Variants in ARHGEF10 observed in about 807,000 individuals in gnomAD.
The protein encoded by ARHGEF10 is Rho guanine nucleotide exchange factor (GEF) 10.
ARHGEF10 carries 140 observed loss-of-function variants against 147.4 expected under a neutral mutation model. That is an observed-to-expected ratio of 0.95 (90% CI 0.83 to 1.09). The LOEUF is 1.09. Ranked by LOEUF, ARHGEF10 falls within the 50% of genes least tolerant of loss-of-function variation. ARHGEF10 has a pLI of 0.00. For missense variants in ARHGEF10, 2,222 were observed against 1,752.7 expected, an observed-to-expected ratio of 1.27 and a Z score of -4.78; for synonymous variants, 902 against 695.8, an observed-to-expected ratio of 1.30 and a Z score of -4.67.
intron 2 of ARHGEF10, among the ~76,000 whole-genome samples, chr8:1,843,791 G>A (rs1042181810): frequency 6.6e-6 from 1 of 152,212 alleles, no homozygotes; most frequent in Non-Finnish European, 1.5e-5. Flanking sequence ...CCTCGCTCAG[G>A]CTTAAAGCTC....
At chr8:1,899,779 C>T (rs536390973) in intron 15 of ARHGEF10, among the ~76,000 whole-genome samples, 6 of 152,202 alleles carry the variant, frequency 3.9e-5, no homozygotes, top group African/African-American at 7.2e-5. Context: ...CTAATACGTG[C>T]GAGACGCTGT....
intron 1 of ARHGEF10, among the ~76,000 whole-genome samples, chr8:1,842,906 C>A (rs189014686): frequency 6.6e-6 from 1 of 152,206 alleles, no homozygotes; most frequent in Non-Finnish European, 1.5e-5. Flanking sequence ...CTAAGCACCA[C>A]GCCTAATCCC....
At chr8:1,932,104 G>A (rs561962862) in intron 25 of ARHGEF10, among the ~76,000 whole-genome samples, 52 of 152,290 alleles carry the variant, frequency 3.4e-4, no homozygotes, top group African/African-American at 8.9e-4. Context: ...ACAACCCTGC[G>A]TTCTTGTGCC....
At chr8:1,863,763 G>A (rs1806347971) in intron 4 of ARHGEF10, among the ~76,000 whole-genome samples, 1 of 152,112 alleles carries the variant, frequency 6.6e-6, no homozygotes, top group Admixed American at 6.6e-5. Flanking sequence ...CTGCACTGCG[G>A]CTTTGCTCAC....
chr8:1,888,818 G>C (rs1254919148), intron 11 of ARHGEF10, among the ~76,000 whole-genome samples: 4 of 109,674 alleles, frequency 3.6e-5, no homozygotes, highest in Non-Finnish European at 6.8e-5. Context: ...AGTGGGGTGA[G>C]AGTTATGAGG....
intron 13 of ARHGEF10, among the ~76,000 whole-genome samples, chr8:1,894,877 C>G (rs1362079618): frequency 6.6e-6 from 1 of 152,172 alleles, no homozygotes; most frequent in Non-Finnish European, 1.5e-5. Context: ...TTTGCTGAAG[C>G]TTTTTGTTGT....
chr8:1,923,791 T>C lies in ARHGEF10; in HGVS notation c.2405T>C (p.Phe802Ser), dbSNP rs751622277. ...TCTGGCAGATCTGGGCGACCGACGT[T>C]CTTTACAGCTGTGTTCAATACGTTC... ...GKQDKSGRPT[F>S]FTAVFNTFTP... is the part of the protein sequence containing the mutation. The change falls in exon 21 of 29, where the codon TTC becomes TCC. Residue 802 changes from phenylalanine to serine, a missense_variant. Phe to Ser is a radical substitution (Grantham distance 155). Transcript: ENST00000349830. The C allele has an allele frequency of 9.9e-6, 16 of 1,614,180 alleles. No homozygotes were observed. The South Asian group carries it at 1.8e-4, about 18-fold the overall frequency.
Position 1,839,567 on chromosome 8 carries a change from GTGTCTGGTGTGGAAGC to G in ARHGEF10, c.-47-3773_-47-3758del, listed in dbSNP as rs1423052470. Among the ~76,000 whole-genome samples, 165 of 96,606 alleles carry G rather than the reference GTGTCTGGTGTGGAAGC, an allele frequency of 1.7e-3. 1 individual carries two copies. The highest frequency in any genetic ancestry group is 0.024 in the Middle Eastern group (2 of 82). 63.4% of individuals were successfully genotyped at this position (96,606 alleles called of 152,430 possible). A position where few individuals can be genotyped will look rare whatever the true frequency, so the allele number is the denominator to read the frequency against. On this transcript the variant is annotated intron_variant, in intron 1 of 28. Coordinates refer to ENST00000349830, the MANE Select transcript of ARHGEF10 (RefSeq NM_014629.4). ...GTGTGGAAGCTGTCTGGTGTGGGGA[GTGTCTGGTGTGGAAGC>G]TGTCTGGTGTGGGACTGTCTGCTGT...
chr8:1,928,383 G>T (rs768197476), intron 23 of ARHGEF10, 44 bp from the exon 24 acceptor site: 3 of 1,588,392 alleles, frequency 1.9e-6, no homozygotes, highest in Non-Finnish European at 2.6e-6. Context: ...TATGGAAGCC[G>T]CCACATGGTC....
chr8:1,880,224 C>G, intron 9 of ARHGEF10, 60 bp downstream of exon 9: 1 of 1,215,688 alleles, frequency 8.2e-7, no homozygotes, highest in African/African-American at 1.5e-5. Context: ...AGAAAAACCG[C>G]GCGGCTCGGT....
chr8:1,943,873 A>AT (rs113126364), intron 26 of ARHGEF10: 139,145 of 150,714 alleles, frequency 0.92, 64,222 homozygotes, highest in East Asian at 1. Context: ...GGCGAGAGGT[A>AT]TTACACGGCT....
At chr8:1,898,269 A>G (rs1810173609) in intron 14 of ARHGEF10, among the ~76,000 whole-genome samples, 164 bp from the exon 15 acceptor site, 1 of 152,234 alleles carries the variant, frequency 6.6e-6, no homozygotes, top group African/African-American at 2.4e-5. Flanking sequence ...GCAGGTGCAG[A>G]AAGTGGCTGG....
intron 11 of ARHGEF10, among the ~76,000 whole-genome samples, chr8:1,886,655 C>T (rs1286344928): frequency 6.6e-6 from 1 of 152,208 alleles, no homozygotes; most frequent in African/African-American, 2.4e-5. Flanking sequence ...TGTTGAGGAG[C>T]TGTCACTCAT....
At chr8:1,940,553 C>T (rs1319113866) in intron 26 of ARHGEF10, among the ~76,000 whole-genome samples, 2 of 152,186 alleles carry the variant, frequency 1.3e-5, no homozygotes, top group African/African-American at 4.8e-5. Context: ...TCTAACCAAA[C>T]ATCTTTAAAA....
At position 1,923,872 on chromosome 8, in the gene ARHGEF10, T is replaced by G; in HGVS notation, c.2486T>G (p.Leu829Arg). ...VNSLQMAKLA[L>R]EEENHMGWFC... ...AGCTTACAGATGGCCAAGCTCGCCC[T>G]AGGTAAGGCCTGGCTGGCTGAGGCT... Residue 829 changes from leucine to arginine, a missense_variant and splice_region_variant, in exon 21 of 29, where the codon CTA (leucine) becomes CGA (arginine). By Grantham distance (102) the Leu-to-Arg change is moderately radical (BLOSUM62 -2). Transcript: ENST00000349830. The G allele has an allele frequency of 6.2e-7, 1 of 1,614,032 alleles. No homozygotes were observed. Among genetic ancestry groups the G allele is most frequent in the Non-Finnish European group, 8.5e-7 (1 of 1,179,936 alleles).
intron 26 of ARHGEF10, among the ~76,000 whole-genome samples, chr8:1,939,436 G>A (rs939413786): frequency 1.3e-4 from 20 of 152,256 alleles, no homozygotes; most frequent in African/African-American, 4.6e-4. Context: ...GCCAGCGTGA[G>A]TGAGGGTGCT....
chr8:1,883,386 A>G (rs1451284140), intron 10 of ARHGEF10, among the ~76,000 whole-genome samples: 1 of 152,086 alleles, frequency 6.6e-6, no homozygotes, highest in African/African-American at 2.4e-5. Context: ...ACTGTCATAC[A>G]GGGGTCGCTG....
chr8:1,897,188 C>G (rs1019504252), intron 14 of ARHGEF10, among the ~76,000 whole-genome samples: 2 of 152,226 alleles, frequency 1.3e-5, no homozygotes, highest in African/African-American at 4.8e-5. Context: ...CTGCTGCTAC[C>G]TGGAGCGAGT....
At chr8:1,923,906 C>T (rs1812484990) in intron 21 of ARHGEF10, 32 bp downstream of exon 21, 1 of 1,597,834 alleles carries the variant, frequency 6.3e-7, no homozygotes, top group Non-Finnish European at 8.6e-7. Flanking sequence ...CTGAATGAGG[C>T]ATGCGGCGTG....
Sources: gnomAD v4.1 joint callset for allele counts (sites outside exome capture counted in the v4.1 genomes callset) on GRCh38, gnomAD v4.1.1 for gene constraint, MANE v1.5 for transcripts, NCBI Gene and HGNC (gene_info 2026-07-23, HGNC 2026-07-21) for gene names.